Variants in ADGRB3 observed in about 807,000 individuals in gnomAD.
ADGRB3 encodes the protein adhesion G protein-coupled receptor B3.
Under a neutral mutation model 193.4 loss-of-function variants are expected in ADGRB3, and 37 were observed. That is an observed-to-expected ratio of 0.19 (90% CI 0.15 to 0.25). The LOEUF is 0.25. ADGRB3 is among the 10% of genes least tolerant of loss of function. The pLI is 1.00. For synonymous variants in ADGRB3, 690 were observed against 644.2 expected (o/e 1.07, Z -1.08); for missense variants, 1,637 against 1,852.9 (o/e 0.88, Z 2.14).
chr6:68,885,154 T>A (rs937804699), intron 3 of ADGRB3, among the ~76,000 whole-genome samples: 39 of 152,248 alleles, frequency 2.6e-4, no homozygotes, highest in African/African-American at 9.4e-4. Flanking sequence ...TTTTTGGGGA[T>A]CTTATAAAAC....
chr6:69,060,657 A>T (rs1771721852), intron 15 of ADGRB3, among the ~76,000 whole-genome samples: 1 of 152,122 alleles, frequency 6.6e-6, no homozygotes. Context: ...ACCAGAATAA[A>T]GAGACAAATG....
At chr6:69,237,311 G>C (rs532337616) in intron 19 of ADGRB3, among the ~76,000 whole-genome samples, 1 of 152,056 alleles carries the variant, frequency 6.6e-6, no homozygotes, top group South Asian at 2.1e-4. Flanking sequence ...AGCATCTCAA[G>C]TATTTTATAC....
intron 3 of ADGRB3, among the ~76,000 whole-genome samples, chr6:68,817,420 A>C (rs766773367): frequency 2.1e-5 from 3 of 141,804 alleles, no homozygotes; most frequent in Non-Finnish European, 4.6e-5. Flanking sequence ...ATTACTTATG[A>C]TATTCATTAG....
intron 13 of ADGRB3, among the ~76,000 whole-genome samples, chr6:69,037,972 C>T (rs930250888): frequency 6.6e-6 from 1 of 152,138 alleles, no homozygotes; most frequent in Admixed American, 6.5e-5. Flanking sequence ...AATACTATGC[C>T]AGTCCATGAG....
intron 17 of ADGRB3, among the ~76,000 whole-genome samples, chr6:69,221,766 A>G (rs1370444639): frequency 1.3e-5 from 2 of 152,110 alleles, no homozygotes; most frequent in African/African-American, 2.4e-5. Context: ...TCTGAGTGGA[A>G]GGTTTCCACT....
At chr6:68,929,148 T>C (rs188640225) in intron 3 of ADGRB3, among the ~76,000 whole-genome samples, 83 of 152,242 alleles carry the variant, frequency 5.5e-4, no homozygotes, top group Non-Finnish European at 4.0e-4. Context: ...CACTGACATT[T>C]TGTTATTGAT....
In ADGRB3 at chr6:69,235,107, C is replaced by T; in HGVS notation, c.2683C>T (p.Leu895=). The T allele has an allele frequency of 1.2e-6, 2 of 1,611,898 alleles. No homozygotes were observed. The highest frequency in any genetic ancestry group is 1.7e-6 in the Non-Finnish European group (2 of 1,178,108). ...SGLSCLALIT[L]AVVYAALWRY... is the part of the protein sequence containing the mutation. Reference sequence around the variant, plus strand: ...TCTTTCTTGCTTGGCCTTGATTACCCTAGCAGTTGTCTATGCAGCATTATG... The same window carrying T: ...TCTTTCTTGCTTGGCCTTGATTACCTTAGCAGTTGTCTATGCAGCATTATG... Residue 895 remains leucine, a synonymous_variant, in exon 19 of 32, where the codon CTA becomes TTA. Transcript: ENST00000370598.
intron 17 of ADGRB3, among the ~76,000 whole-genome samples, chr6:69,077,856 C>T (rs979180492): frequency 4.6e-5 from 7 of 151,776 alleles, no homozygotes; most frequent in African/African-American, 9.7e-5. Context: ...TTGATGTATC[C>T]GAAAAGTGAT....
chr6:69,388,902 A>G lies in ADGRB3; in HGVS notation c.*11A>G, dbSNP rs766853655. ...CAAACAGAAGTTTAAAAAAATCAAA[A>G]TGGACTAAGGTAGAGACAAAACTTT... On this transcript the variant is annotated 3_prime_UTR_variant, in exon 32 of 32. Transcript: ENST00000370598. 7 of 1,608,214 alleles carry G rather than the reference A, an allele frequency of 4.4e-6. No individual in the cohort carries two copies.
chr6:69,344,020 T>C (rs1274607256), intron 26 of ADGRB3, among the ~76,000 whole-genome samples: 1 of 152,234 alleles, frequency 6.6e-6, no homozygotes, highest in African/African-American at 2.4e-5. Context: ...AACCACTTTC[T>C]TGGTGCCTGC....
chr6:69,102,531 G>A (rs893516405), intron 17 of ADGRB3, among the ~76,000 whole-genome samples: 2 of 152,148 alleles, frequency 1.3e-5, no homozygotes, highest in Non-Finnish European at 2.9e-5. Flanking sequence ...AGGGATCAGG[G>A]GTTGCTGGCA....
At chr6:68,993,048 T>C (rs1391407968) in intron 10 of ADGRB3, among the ~76,000 whole-genome samples, 3 of 152,258 alleles carry the variant, frequency 2.0e-5, no homozygotes, top group East Asian at 3.9e-4. Context: ...TTATAAGATG[T>C]TTTTCCTCCC....
intron 3 of ADGRB3, among the ~76,000 whole-genome samples, chr6:68,858,921 T>A (rs1765070701): frequency 1.3e-5 from 2 of 152,194 alleles, no homozygotes; most frequent in Admixed American, 1.3e-4. Flanking sequence ...ATTTTCCTCA[T>A]TGTTTTGGAG....
At chr6:68,668,209 T>C (rs1332123744) in intron 3 of ADGRB3, among the ~76,000 whole-genome samples, 1 of 151,886 alleles carries the variant, frequency 6.6e-6, no homozygotes, top group East Asian at 1.9e-4. Context: ...AGTGGAATGA[T>C]CCCCCAAAGG....
intron 26 of ADGRB3, among the ~76,000 whole-genome samples, chr6:69,347,914 A>G (rs1769135741): frequency 5.3e-5 from 8 of 152,232 alleles, no homozygotes; most frequent in Admixed American, 5.2e-4. Context: ...GAGCATGGGC[A>G]TCACACAGGC....
chr6:69,380,311 C>G (rs1222571664), intron 30 of ADGRB3, among the ~76,000 whole-genome samples: 2 of 151,928 alleles, frequency 1.3e-5, no homozygotes, highest in African/African-American at 4.8e-5. Context: ...TATCAATGGA[C>G]ATTTCCAGCA....
At chr6:68,776,879 T>C (rs189796559) in intron 3 of ADGRB3, among the ~76,000 whole-genome samples, 1 of 152,248 alleles carries the variant, frequency 6.6e-6, no homozygotes, top group Admixed American at 6.5e-5. Context: ...CCTCATTTCA[T>C]AACTAAGCAA....
chr6:69,179,154 T>G (rs971688190), intron 17 of ADGRB3, among the ~76,000 whole-genome samples: 1 of 152,352 alleles, frequency 6.6e-6, no homozygotes, highest in East Asian at 1.9e-4. Context: ...AATGTTTTTT[T>G]AAATGAATTC....
At chr6:69,207,199 C>T (rs1436244529) in intron 17 of ADGRB3, among the ~76,000 whole-genome samples, 1 of 152,078 alleles carries the variant, frequency 6.6e-6, no homozygotes, top group Non-Finnish European at 1.5e-5. Flanking sequence ...GGAACTAAGA[C>T]CTCTAGGCCA....
Sources: gnomAD v4.1 joint callset for allele counts (sites outside exome capture counted in the v4.1 genomes callset) on GRCh38, gnomAD v4.1.1 for gene constraint, MANE v1.5 for transcripts, NCBI Gene and HGNC (gene_info 2026-07-23, HGNC 2026-07-21) for gene names.